ENOX1: variants seen among roughly 807,000 people sequenced by gnomAD.
ENOX1 encodes candidate growth-related and time keeping constitutive hydroquinone (NADH) oxidase.
ENOX1 carries 42 observed loss-of-function variants against 82.5 expected under a neutral mutation model. The observed-to-expected ratio is 0.51, with a 90% CI of 0.40 to 0.66. The LOEUF (loss-of-function observed/expected upper bound fraction) is 0.66. Among genes scored for constraint, ENOX1 ranks in the 30% least tolerant of loss-of-function variants. ENOX1 has a pLI of 0.00. For missense variants in ENOX1, 608 were observed against 811.6 expected, an observed-to-expected ratio of 0.75 and a Z score of 3.05; for synonymous variants, 271 against 282.2, an observed-to-expected ratio of 0.96 and a Z score of 0.40.
At chr13:43,566,241 C>A (rs1050962798) in intron 2 of ENOX1, among the ~76,000 whole-genome samples, 6 of 152,010 alleles carry the variant, frequency 3.9e-5, no homozygotes, top group African/African-American at 1.2e-4. Flanking sequence ...GTATTTGACA[C>A]AAGATTTTTT....
At chr13:43,458,117 A>T (rs1403975183) in intron 3 of ENOX1, among the ~76,000 whole-genome samples, 9 of 152,138 alleles carry the variant, frequency 5.9e-5, no homozygotes, top group East Asian at 1.9e-4. Flanking sequence ...TAACTTTTTT[A>T]AAAAAGTTAA....
intron 1 of ENOX1, among the ~76,000 whole-genome samples, chr13:43,708,729 T>C (rs1594503807): frequency 3.3e-5 from 5 of 152,218 alleles, no homozygotes; most frequent in African/African-American, 2.4e-5. Context: ...CCTCACAATA[T>C]ATAGGTAAAG....
chr13:43,505,445 GT>G (rs1291849250), intron 2 of ENOX1, among the ~76,000 whole-genome samples: 2 of 151,904 alleles, frequency 1.3e-5, no homozygotes, highest in African/African-American at 2.4e-5. Context: ...CTGATACAAA[GT>G]TTGCAGTCAA....
At chr13:43,759,404 A>G (rs1950838517) in intron 1 of ENOX1, among the ~76,000 whole-genome samples, 1 of 151,990 alleles carries the variant, frequency 6.6e-6, no homozygotes, top group Admixed American at 6.6e-5. Flanking sequence ...AGCTGCTTGA[A>G]CTGATCAGTT....
At chr13:43,616,254 G>A (rs1309925911) in intron 2 of ENOX1, among the ~76,000 whole-genome samples, 11 of 129,890 alleles carry the variant, frequency 8.5e-5, no homozygotes, top group Non-Finnish European at 1.8e-4. Context: ...CCAGGCTGGA[G>A]TGCAGTGGTG....
At position 43,675,079 on chromosome 13, in the gene ENOX1, AAT is replaced by A. The variant is rs1347800794; in HGVS notation, c.-284-7537_-284-7536del. Among the ~76,000 whole-genome samples the A allele has an allele frequency of 6.6e-5, 10 of 152,290 alleles. No homozygotes were observed. The East Asian group carries it at 1.9e-3, about 29-fold the overall frequency. On this transcript the variant is annotated intron_variant, in intron 1 of 16. Coordinates refer to ENST00000690772, the MANE Select transcript of ENOX1 (RefSeq NM_001347969.2). ...TTCTAAAAGCACCAAGAAGCCACTG[AAT>A]AGTTTCAAGCAGGGCTTGTCATTAT...
chr13:43,589,637 A>ATACTT (rs61452050), intron 2 of ENOX1, among the ~76,000 whole-genome samples: 1 of 152,116 alleles, frequency 6.6e-6, no homozygotes. Context: ...CCAAGTAGCC[A>ATACTT]GACTATAGGC....
At chr13:43,530,406 A>C (rs2078160897) in intron 2 of ENOX1, among the ~76,000 whole-genome samples, 1 of 152,128 alleles carries the variant, frequency 6.6e-6, no homozygotes, top group Non-Finnish European at 1.5e-5. Flanking sequence ...TACCTGTGTT[A>C]AATTTCTTCA....
chr13:43,451,043 A>C lies in ENOX1; in HGVS notation c.-75+32966T>G, dbSNP rs1201543094. Among the ~76,000 whole-genome samples, 2 of 152,198 alleles carry C rather than the reference A, an allele frequency of 1.3e-5. 1 individual carries two copies. Among genetic ancestry groups the C allele is most frequent in the Middle Eastern group, 6.3e-3 (2 of 316 alleles). The stretch of plus-strand genomic sequence containing the variant: ...GATTCATTAAATCAGGTAAACGTTG[A>C]GACCTTGCATTTCTCATAAACTTCT... On this transcript the variant is annotated intron_variant, in intron 3 of 16. Transcript: ENST00000690772.
At chr13:43,410,098 T>C (rs999190121) in intron 5 of ENOX1, among the ~76,000 whole-genome samples, 7 of 152,164 alleles carry the variant, frequency 4.6e-5, no homozygotes, top group Non-Finnish European at 1.0e-4. Flanking sequence ...GGGAAAATCA[T>C]AAATTGGTCA....
At chr13:43,242,307 T>A (rs2042874142) in intron 14 of ENOX1, among the ~76,000 whole-genome samples, 1 of 152,256 alleles carries the variant, frequency 6.6e-6, no homozygotes, top group Non-Finnish European at 1.5e-5. Flanking sequence ...CTTCACTGGC[T>A]TTTTTGTTTC....
intron 1 of ENOX1, among the ~76,000 whole-genome samples, chr13:43,675,213 A>G (rs2085452359): frequency 6.6e-6 from 1 of 152,218 alleles, no homozygotes; most frequent in Non-Finnish European, 1.5e-5. Flanking sequence ...AGTAGTAGCA[A>G]CAGAGCAGCA....
chr13:43,304,198 A>G (rs571740491), intron 11 of ENOX1, among the ~76,000 whole-genome samples: 187 of 152,346 alleles, frequency 1.2e-3, no homozygotes, highest in African/African-American at 4.3e-3. Flanking sequence ...TTCAAATAAC[A>G]GTAGCAGTAA....
rs115579994 is a variant in ENOX1 at position 43,262,855 on chromosome 13, T to C, written c.1611+2543A>G. Among the ~76,000 whole-genome samples the C allele has an allele frequency of 1.7e-3, 265 of 152,286 alleles. 1 individual carries two copies. Among genetic ancestry groups the C allele is most frequent in the African/African-American group, 6.2e-3 (257 of 41,558 alleles). On this transcript the variant is annotated intron_variant, in intron 14 of 16. Coordinates refer to ENST00000690772, the MANE Select transcript of ENOX1 (RefSeq NM_001347969.2). Reference sequence around the variant, plus strand: ...ACTCTAGGCTTGGTGTTAATGTACATGGTTTCATTTAACACACAAATGAGG... The same window carrying C: ...ACTCTAGGCTTGGTGTTAATGTACACGGTTTCATTTAACACACAAATGAGG...
intron 8 of ENOX1, among the ~76,000 whole-genome samples, chr13:43,347,927 T>C (rs373144165): frequency 6.6e-6 from 1 of 152,192 alleles, no homozygotes; most frequent in Non-Finnish European, 1.5e-5. Context: ...TCATTAGAAA[T>C]TACCCACCGT....
chr13:43,618,028 CTTCTT>C (rs1474728054), intron 2 of ENOX1, among the ~76,000 whole-genome samples: 3 of 152,078 alleles, frequency 2.0e-5, no homozygotes, highest in Non-Finnish European at 4.4e-5. Flanking sequence ...ATTTGTATAT[CTTCTT>C]TTGAGAATTG....
At chr13:43,582,110 T>C (rs2080771204) in intron 2 of ENOX1, among the ~76,000 whole-genome samples, 1 of 152,172 alleles carries the variant, frequency 6.6e-6, no homozygotes. Flanking sequence ...AACATTCTTG[T>C]ATCATGATAC....
At chr13:43,744,694 A>G (rs1270403675) in intron 1 of ENOX1, among the ~76,000 whole-genome samples, 2 of 152,222 alleles carry the variant, frequency 1.3e-5, no homozygotes, top group Non-Finnish European at 2.9e-5. Context: ...TAGTGCTTTC[A>G]CCATTATTAA....
chr13:43,590,359 C>T lies in ENOX1; in HGVS notation c.-219+77120G>A, dbSNP rs181400170. Among the ~76,000 whole-genome samples the T allele has an allele frequency of 1.1e-4, 16 of 151,962 alleles. No homozygotes were observed. The East Asian group carries it at 1.7e-3, about 17-fold the overall frequency. On this transcript the variant is annotated intron_variant, in intron 2 of 16. Coordinates refer to ENST00000690772, the MANE Select transcript of ENOX1 (RefSeq NM_001347969.2). ...TTAGAGGTTATGAGGCATGAATGAT[C>T]GAAAATGAGAAGGAACACATTACAA...
Sources: allele counts gnomAD v4.1 joint callset (sites outside exome capture counted in the v4.1 genomes callset), GRCh38; gene constraint gnomAD v4.1.1; transcripts MANE v1.5; gene names NCBI Gene and HGNC (gene_info 2026-07-23, HGNC 2026-07-21).